The following EXOC2 variants were observed in gnomAD, a reference collection of about 807,000 sequenced individuals.
The protein encoded by EXOC2 is SEC5-like 1.
EXOC2 carries 70 observed loss-of-function variants against 131.8 expected under a neutral mutation model. The ratio of observed to expected loss-of-function variants is 0.53; its 90% CI spans 0.44 to 0.65. EXOC2 has a LOEUF of 0.65. Ranked by LOEUF, EXOC2 falls within the 30% of genes least tolerant of loss-of-function variation. The pLI, the probability that EXOC2 is intolerant of heterozygous loss-of-function variation, is 0.00. For synonymous variants in EXOC2, 411 were observed against 398.4 expected, an observed-to-expected ratio of 1.03 and a Z score of -0.38; for missense variants, 923 against 1,108.6, an observed-to-expected ratio of 0.83 and a Z score of 2.38.
At chr6:505,805 C>A (rs947726472) in intron 23 of EXOC2, among the ~76,000 whole-genome samples, 3 of 152,196 alleles carry the variant, frequency 2.0e-5, no homozygotes, top group African/African-American at 7.2e-5. Flanking sequence ...GAGGTTGGCA[C>A]ACAGATGGCA....
At position 522,683 on chromosome 6, in the gene EXOC2, G is replaced by C. The variant is rs148307715; in HGVS notation, c.2380+9786C>G. On this transcript the variant is annotated intron_variant, in intron 23 of 27. Transcript: ENST00000230449. ...CCATGCGGACTGCAGGACAGCGTGT[G>C]GGGGAGCATTGAGCTGGGCTGGGCT... is the stretch of plus-strand genomic sequence containing the variant. Among the ~76,000 whole-genome samples the C allele has an allele frequency of 4.6e-3, 673 of 146,920 alleles. 2 individuals are homozygous for C. The highest frequency in any genetic ancestry group is 7.4e-3 in the Non-Finnish European group (492 of 66,312).
At chr6:528,632 A>G (rs1473894877) in intron 23 of EXOC2, among the ~76,000 whole-genome samples, 2 of 152,218 alleles carry the variant, frequency 1.3e-5, no homozygotes, top group African/African-American at 4.8e-5. Context: ...TTGCTTATGA[A>G]AGAAAGTTTG....
chr6:561,436 T>C (rs1170569617), intron 17 of EXOC2, among the ~76,000 whole-genome samples: 1 of 152,202 alleles, frequency 6.6e-6, no homozygotes, highest in African/African-American at 2.4e-5. Context: ...CACGACTATA[T>C]AGAAATTCAA....
intron 13 of EXOC2, among the ~76,000 whole-genome samples, chr6:568,453 G>A (rs1758094793): frequency 6.6e-6 from 1 of 152,172 alleles, no homozygotes; most frequent in Non-Finnish European, 1.5e-5. Flanking sequence ...CATCCAGCTG[G>A]GCAATGCATC....
intron 22 of EXOC2, among the ~76,000 whole-genome samples, chr6:537,422 A>T (rs1766529235): frequency 6.6e-6 from 1 of 151,442 alleles, no homozygotes; most frequent in African/African-American, 2.4e-5. Flanking sequence ...CGGAGCGTAC[A>T]CATGAGGTGA....
chr6:657,800 G>A (rs1014451461), intron 1 of EXOC2, among the ~76,000 whole-genome samples: 84 of 150,808 alleles, frequency 5.6e-4, no homozygotes, highest in African/African-American at 1.9e-3. Flanking sequence ...TGCACTGTGT[G>A]TGAATTCCAT....
chr6:670,558 CT>C (rs1001203612), intron 1 of EXOC2, among the ~76,000 whole-genome samples: 1 of 151,762 alleles, frequency 6.6e-6, no homozygotes, highest in African/African-American at 2.4e-5. Context: ...GTGATCAATA[CT>C]TTTCAATATG....
intron 23 of EXOC2, among the ~76,000 whole-genome samples, chr6:530,834 G>A (rs1440011825): frequency 6.6e-6 from 1 of 152,256 alleles, no homozygotes; most frequent in Non-Finnish European, 1.5e-5. Context: ...GGGGGACCCA[G>A]ATGGCTGCAT....
chr6:581,300 A>C (rs56872713), intron 11 of EXOC2, among the ~76,000 whole-genome samples: 30 of 73,596 alleles, frequency 4.1e-4, no homozygotes, highest in East Asian at 7.0e-4. Flanking sequence ...TGTCTCAAAA[A>C]AAAAAAAAAA....
At chr6:577,900 C>T (rs1400128589) in intron 11 of EXOC2, among the ~76,000 whole-genome samples, 3 of 152,296 alleles carry the variant, frequency 2.0e-5, no homozygotes, top group Middle Eastern at 3.4e-3. Context: ...GTCACCTCTT[C>T]CTCTTATCTA....
rs1231586095 is a variant in EXOC2, at chr6:486,746, C to G, written c.2700G>C (p.Leu900=). 2.8e-5 allele frequency: 45 copies of G among 1,613,962 alleles called. No individual in the cohort carries two copies. The highest frequency in any genetic ancestry group is 3.7e-5 in the Non-Finnish European group (44 of 1,179,982). ...GADKKLLEEL[L]NKFKSSMHLQ... The stretch of plus-strand genomic sequence containing the variant: ...AGTGCATGCTACTCTTGAACTTGTT[C>G]AGGAGCTCTTCCAGTAACCTGCAGG... Residue 900 remains leucine, a synonymous_variant, in exon 28 of 28, where the codon CTG becomes CTC. Transcript: ENST00000230449.
chr6:486,550 G>A lies in EXOC2; in HGVS notation c.*121C>T, dbSNP rs1763060369. The A allele has an allele frequency of 2.3e-6, 2 of 857,690 alleles. No individual in the cohort carries two copies. The highest frequency in any genetic ancestry group is 2.5e-5 in the East Asian group (1 of 39,684). 53.1% of individuals were successfully genotyped at this position (857,690 alleles called of 1,614,324 possible). On this transcript the variant is annotated 3_prime_UTR_variant, in exon 28 of 28. Coordinates refer to ENST00000230449, the MANE Select transcript of EXOC2 (RefSeq NM_018303.6). ...ATACCAACAATTTTCGAAGTCAGAG[G>A]AAGAAAAAAGAGAAAAATGGCAAAC...
rs563174012 is a variant in EXOC2, at chr6:642,428, GA to G, written c.-43-4568del. On this transcript the variant is annotated intron_variant, in intron 1 of 27. Coordinates refer to ENST00000230449, the MANE Select transcript of EXOC2 (RefSeq NM_018303.6). ...GAGAGCTGCTTGCTTGGTGTGTGGG[GA>G]AAACTTCACACACACCTGGTATCAG... Among the ~76,000 whole-genome samples, 445 of 152,228 alleles carry G rather than the reference GA, an allele frequency of 2.9e-3. 3 individuals carry two copies. Among genetic ancestry groups the G allele is most frequent in the African/African-American group, 9.8e-3 (407 of 41,532 alleles).
intron 13 of EXOC2, among the ~76,000 whole-genome samples, chr6:569,506 A>C (rs1444184270): frequency 1.3e-5 from 2 of 152,170 alleles, no homozygotes; most frequent in Non-Finnish European, 2.9e-5. Context: ...AATTGTGTTT[A>C]AAAACTATCA....
intron 25 of EXOC2, among the ~76,000 whole-genome samples, chr6:493,543 T>C (rs1763555529): frequency 6.6e-6 from 1 of 152,224 alleles, no homozygotes; most frequent in South Asian, 2.1e-4. Context: ...AGCTATATAA[T>C]ACCTACAAAA....
chr6:486,751 G>A lies in EXOC2; in HGVS notation c.2695C>T (p.Leu899Phe). ...ATGCTACTCTTGAACTTGTTCAGGA[G>A]CTCTTCCAGTAACCTGCAGGACGGA... ...SGADKKLLEE[L>F]LNKFKSSMHL... The change falls in exon 28 of 28, where the codon CTC (leucine) becomes TTC (phenylalanine). Residue 899 changes from leucine to phenylalanine, a missense_variant. By Grantham distance (22) the Leu-to-Phe change is conservative. Coordinates refer to ENST00000230449, the MANE Select transcript of EXOC2 (RefSeq NM_018303.6). 1 of 1,614,026 alleles carries A rather than the reference G, an allele frequency of 6.2e-7. No individual in the cohort carries two copies. Among genetic ancestry groups the A allele is most frequent in the Non-Finnish European group, 8.5e-7 (1 of 1,179,898 alleles).
At chr6:653,501 A>G (rs1262294437) in intron 1 of EXOC2, among the ~76,000 whole-genome samples, 3 of 152,224 alleles carry the variant, frequency 2.0e-5, no homozygotes, top group South Asian at 2.1e-4. Flanking sequence ...CATTCCCTTA[A>G]GCCAAAACCT....
intron 4 of EXOC2, among the ~76,000 whole-genome samples, chr6:620,224 G>A (rs1389253911): frequency 2.0e-5 from 3 of 152,126 alleles, no homozygotes; most frequent in Admixed American, 6.5e-5. Flanking sequence ...GTTCCATGCT[G>A]GGATGCCAGA....
intron 1 of EXOC2, among the ~76,000 whole-genome samples, chr6:678,949 T>A (rs983719545): frequency 6.6e-6 from 1 of 152,130 alleles, no homozygotes; most frequent in South Asian, 2.1e-4. Context: ...CAAACATCTA[T>A]AGAGTTAAAG....
Sources: gnomAD v4.1 joint callset for allele counts (sites outside exome capture counted in the v4.1 genomes callset) on GRCh38, gnomAD v4.1.1 for gene constraint, MANE v1.5 for transcripts, NCBI Gene and HGNC (gene_info 2026-07-23, HGNC 2026-07-21) for gene names.